Variants in CACNA2D1 observed in about 807,000 individuals in gnomAD.
CACNA2D1 encodes the protein voltage-dependent calcium channel subunit alpha-2/delta-1.
Under a neutral mutation model 171.5 loss-of-function variants are expected in CACNA2D1, and 53 were observed. The observed-to-expected ratio is 0.31, with a 90% CI of 0.25 to 0.39. The LOEUF is 0.39. Among genes scored for constraint, CACNA2D1 ranks in the 10% least tolerant of loss-of-function variants. The pLI, the probability that CACNA2D1 is intolerant of heterozygous loss-of-function variation, is 1.00. For missense variants in CACNA2D1, 903 were observed against 1,299.8 expected, an observed-to-expected ratio of 0.69 and a Z score of 4.69; for synonymous variants, 442 against 443.1, an observed-to-expected ratio of 1.00 and a Z score of 0.03.
intron 37 of CACNA2D1, 22 bp from the exon 38 acceptor site, chr7:81,959,379 A>G (rs1452012516): frequency 1.3e-6 from 2 of 1,517,784 alleles, no homozygotes; most frequent in Non-Finnish European, 1.8e-6. Context: ...TTGTTAAGGA[A>G]TCTCATGTTA....
intron 15 of CACNA2D1, among the ~76,000 whole-genome samples, chr7:82,010,424 T>C (rs1799649445): frequency 6.6e-6 from 1 of 152,018 alleles, no homozygotes; most frequent in Admixed American, 6.6e-5. Flanking sequence ...ACAGCACATT[T>C]AGAACCAACA....
At chr7:82,443,848 G>A (rs1830697172), upstream of CACNA2D1, 1 of 500,902 alleles carries the variant, frequency 2.0e-6, no homozygotes, top group Non-Finnish European at 3.1e-6. Flanking sequence ...GGGCGGGGGC[G>A]GAGGAGGGGT....
intron 1 of CACNA2D1, among the ~76,000 whole-genome samples, chr7:82,384,486 T>C (rs1472181803): frequency 6.6e-6 from 1 of 152,120 alleles, no homozygotes; most frequent in Non-Finnish European, 1.5e-5. Context: ...TCCAGAACTG[T>C]GAAAAATAAA....
rs1010439750 is a variant in CACNA2D1 at position 82,102,249 on chromosome 7, T to C, written c.526+14795A>G. Among the ~76,000 whole-genome samples the C allele has an allele frequency of 2.0e-5, 3 of 152,088 alleles. No individual in the cohort carries two copies. The East Asian group carries it at 5.8e-4, about 29-fold the overall frequency. On this transcript the variant is annotated intron_variant, in intron 6 of 38. Coordinates refer to ENST00000356860, the MANE Select transcript of CACNA2D1 (RefSeq NM_000722.4). ...GACTTGAAAAAAATAAGCTTTAAAA[T>C]TTATTTTAGAGATAAAACTTTTAGA...
intron 1 of CACNA2D1, among the ~76,000 whole-genome samples, chr7:82,379,846 A>G (rs1247130240): frequency 1.3e-5 from 2 of 152,046 alleles, no homozygotes; most frequent in Non-Finnish European, 2.9e-5. Flanking sequence ...TCCTATATAT[A>G]TCCATCTTTC....
chr7:82,015,862 C>T (rs1256102634), intron 12 of CACNA2D1, among the ~76,000 whole-genome samples: 1 of 152,284 alleles, frequency 6.6e-6, no homozygotes, highest in East Asian at 1.9e-4. Flanking sequence ...CACATTATAA[C>T]AATCCCTGCC....
intron 6 of CACNA2D1, among the ~76,000 whole-genome samples, chr7:82,100,125 G>A (rs1812499034): frequency 6.6e-6 from 1 of 152,080 alleles, no homozygotes; most frequent in Admixed American, 6.6e-5. Context: ...TCTACACACT[G>A]CAAAAACCTT....
At chr7:82,381,045 G>C (rs1025974070) in intron 1 of CACNA2D1, among the ~76,000 whole-genome samples, 21 of 151,814 alleles carry the variant, frequency 1.4e-4, no homozygotes, top group African/African-American at 4.1e-4. Flanking sequence ...GGGTGTGGTG[G>C]CTCACGCCTG....
chr7:82,136,722 C>A, intron 4 of CACNA2D1, 46 bp from the exon 5 acceptor site: 5 of 1,274,418 alleles, frequency 3.9e-6, no homozygotes, highest in Non-Finnish European at 5.5e-6. Flanking sequence ...AAAAACAATA[C>A]TGTATCAAAT....
intron 10 of CACNA2D1, among the ~76,000 whole-genome samples, chr7:82,051,887 C>T (rs1248446715): frequency 6.6e-6 from 1 of 152,166 alleles, no homozygotes; most frequent in East Asian, 1.9e-4. Context: ...CTACATTATG[C>T]TTGCATTTCA....
At chr7:82,323,374 G>T (rs1034834663) in intron 3 of CACNA2D1, among the ~76,000 whole-genome samples, 6 of 152,076 alleles carry the variant, frequency 3.9e-5, no homozygotes, top group African/African-American at 1.2e-4. Flanking sequence ...AAGTCCCCAA[G>T]TAAAGTTTGA....
intron 2 of CACNA2D1, among the ~76,000 whole-genome samples, chr7:82,337,956 G>T (rs1046446570): frequency 2.6e-5 from 4 of 152,066 alleles, no homozygotes; most frequent in African/African-American, 9.7e-5. Context: ...AACATTCAAA[G>T]ACCAAGTTTC....
At chr7:82,314,800 A>G (rs990814231) in intron 3 of CACNA2D1, among the ~76,000 whole-genome samples, 2 of 152,094 alleles carry the variant, frequency 1.3e-5, no homozygotes, top group Non-Finnish European at 2.9e-5. Flanking sequence ...TGCCTGAGAT[A>G]AACTTATCCG....
At chr7:81,998,006 C>T (rs893787668) in intron 18 of CACNA2D1, among the ~76,000 whole-genome samples, 6 of 151,748 alleles carry the variant, frequency 4.0e-5, no homozygotes, top group African/African-American at 1.5e-4. Flanking sequence ...AAGATAGATT[C>T]TTATTTATTC....
At chr7:82,311,283 A>G (rs1402923737) in intron 3 of CACNA2D1, among the ~76,000 whole-genome samples, 2 of 152,084 alleles carry the variant, frequency 1.3e-5, no homozygotes, top group African/African-American at 4.8e-5. Context: ...GGAAAAGACT[A>G]CAAGTATTCT....
chr7:82,178,303 C>T (rs1482976408), intron 3 of CACNA2D1, among the ~76,000 whole-genome samples: 1 of 152,022 alleles, frequency 6.6e-6, no homozygotes, highest in Non-Finnish European at 1.5e-5. Flanking sequence ...TTGGAAGACC[C>T]TTGAAATACA....
chr7:81,965,788 T>C, intron 31 of CACNA2D1, 123 bp from the exon 32 acceptor site: 1 of 704,448 alleles, frequency 1.4e-6, no homozygotes, highest in Non-Finnish European at 2.6e-6. Flanking sequence ...CTATCTTCTC[T>C]TGAACATATA....
chr7:82,003,327 C>T (rs1264746694), intron 18 of CACNA2D1, among the ~76,000 whole-genome samples: 1 of 151,842 alleles, frequency 6.6e-6, no homozygotes, highest in Non-Finnish European at 1.5e-5. Flanking sequence ...TAAAGATATG[C>T]AAAGCTAATT....
At chr7:81,983,553 C>T (rs895846445) in intron 22 of CACNA2D1, among the ~76,000 whole-genome samples, 1 of 152,098 alleles carries the variant, frequency 6.6e-6, no homozygotes, top group African/African-American at 2.4e-5. Context: ...ATTACCCTCT[C>T]TGTACTGTGG....
Sources: allele counts gnomAD v4.1 joint callset (sites outside exome capture counted in the v4.1 genomes callset), GRCh38; gene constraint gnomAD v4.1.1; transcripts MANE v1.5; gene names NCBI Gene and HGNC (gene_info 2026-07-23, HGNC 2026-07-21).